TAF7L: variants seen among roughly 807,000 people sequenced by gnomAD.
The protein encoded by TAF7L is transcription initiation factor TFIID subunit 7-like.
TAF7L carries 6 observed loss-of-function variants against 30.2 expected under a neutral mutation model. That is an observed-to-expected ratio of 0.20 (90% confidence interval 0.11 to 0.39). The LOEUF is 0.39. Among genes scored for constraint, TAF7L ranks in the 10% least tolerant of loss-of-function variants. The pLI is 1.00. For synonymous variants in TAF7L, 93 were observed against 94.5 expected (o/e 0.98, Z 0.09); for missense variants, 284 against 277.1 (o/e 1.03, Z -0.18).
rs771591889 is a variant in TAF7L, at chrX:101,279,035, C to T, written c.463G>A (p.Val155Ile). ...KKRFRKTQKK[V>I]PDVKEMEKSS... ...TTTTCCATTTCTTTGACATCAGGGACCTATGAAATAAAACACAATAAACAA... is the reference window on the plus strand; with the variant it reads ...TTTTCCATTTCTTTGACATCAGGGATCTATGAAATAAAACACAATAAACAA... Residue 155 changes from valine (V) to isoleucine (I), a missense_variant and splice_region_variant, in exon 7 of 13, where the codon GTC becomes ATC. Val to Ile is a conservative substitution (Grantham distance 29). Coordinates refer to ENST00000356784, the MANE Select transcript of TAF7L (RefSeq NM_001168474.2). 2.5e-6 allele frequency: 3 copies of T among 1,199,091 alleles called. No individual in the cohort carries two copies. Among genetic ancestry groups the T allele is most frequent in the Non-Finnish European group, 3.4e-6 (3 of 885,419 alleles).
rs754187550 is a variant in TAF7L, at chrX:101,278,051, G to A, written c.575C>T (p.Thr192Ile). 9 of 1,207,095 alleles carry A rather than the reference G, an allele frequency of 7.5e-6. No individual in the cohort carries two copies. Among genetic ancestry groups the A allele is most frequent in the Non-Finnish European group, 1.0e-5 (9 of 891,450 alleles). Residue 192 changes from threonine to isoleucine, a missense_variant and splice_region_variant, in exon 8 of 13, where the codon ACC becomes ATC. Physicochemically the swap from Thr to Ile is moderately conservative, Grantham distance 89. Transcript: ENST00000356784. ...LLRSDAEAVS[T>I]RWEVIAEDGT... ...GAAAATATTTGTATAAAGGATACGGGTACTTACGGCTTCAGCATCCGAACG... is the reference window on the plus strand; with the variant it reads ...GAAAATATTTGTATAAAGGATACGGATACTTACGGCTTCAGCATCCGAACG...
At position 101,275,997 on chromosome X, in the gene TAF7L, T is replaced by TA; in HGVS notation, c.1026+2dup. The TA allele has an allele frequency of 8.5e-7, 1 of 1,169,665 alleles. No individual in the cohort carries two copies. The highest frequency in any genetic ancestry group is 1.1e-6 in the Non-Finnish European group (1 of 870,108). ...GATTTCTTTATGCCAGCCAAGAATT[T>TA]ACCTTGAGTGTCAGGTTTTCCACTT... On this transcript the variant is annotated splice_region_variant and intron_variant, in intron 11 of 12. Transcript: ENST00000356784.
intron 3 of TAF7L, among the ~76,000 whole-genome samples, chrX:101,286,212 G>A (rs1277304207): frequency 9.2e-6 from 1 of 108,435 alleles, no homozygotes; most frequent in African/African-American, 3.3e-5. Flanking sequence ...AAGAAAGAAA[G>A]AAAGAAAGAA....
intron 6 of TAF7L, 61 bp downstream of exon 6, chrX:101,281,659 C>G: frequency 9.4e-7 from 1 of 1,063,649 alleles, no homozygotes; most frequent in South Asian, 2.0e-5. Context: ...TTTCTCTTTT[C>G]TTCTGGCCCA....
Position 101,275,253 on chromosome X carries a change from A to C in TAF7L, c.1055T>G (p.Leu352Arg), listed in dbSNP as rs975253386. The C allele has an allele frequency of 9.3e-6, 11 of 1,187,312 alleles. No homozygotes were observed. Among genetic ancestry groups the C allele is most frequent in the South Asian group, 1.9e-5 (1 of 53,753 alleles). The change falls in exon 12 of 13, where the codon CTT becomes CGT. Residue 352 changes from leucine (L) to arginine (R), a missense_variant. Physicochemically the swap from Leu to Arg is moderately radical, Grantham distance 102 (BLOSUM62 -2). Transcript: ENST00000356784. Reference protein sequence around the residue: ...KNHFQSVLEQLELQEKQKNEK... With the variant: ...KNHFQSVLEQRELQEKQKNEK... Reference sequence around the variant, plus strand: ...ATTTTTTTGTTTTTCCTGTAACTCAAGCTGCTCCAGCACAGACTGAAAATG... The same window carrying C: ...ATTTTTTTGTTTTTCCTGTAACTCACGCTGCTCCAGCACAGACTGAAAATG...
rs985210193 is a variant in TAF7L, at chrX:101,274,307, T to C, written c.1086+915A>G. Among the ~76,000 whole-genome samples the C allele has an allele frequency of 5.5e-5, 6 of 109,365 alleles. No homozygotes were observed. The East Asian group carries it at 1.7e-3, about 31-fold the overall frequency. 95.0% of individuals were successfully genotyped at this position (109,365 alleles called of 115,157 possible). ...ATGGCTCACTGCAGCCTCAACCTCCTGGGCTCAAGCAATCCTCCCACCTTA... is the reference window on the plus strand; with the variant it reads ...ATGGCTCACTGCAGCCTCAACCTCCCGGGCTCAAGCAATCCTCCCACCTTA... On this transcript the variant is annotated intron_variant, in intron 12 of 12. Transcript: ENST00000356784.
chrX:101,281,737 G>A lies in TAF7L; in HGVS notation c.445C>T (p.Arg149Trp). ...PLKNVRKKRF[R>W]KTQKKVPDVK... ...TAACTAACCTTTTTTTGTGTTTTCCGGAACCTTTTCTTTCTGACATTCTTA... is the reference window on the plus strand; with the variant it reads ...TAACTAACCTTTTTTTGTGTTTTCCAGAACCTTTTCTTTCTGACATTCTTA... Residue 149 changes from arginine (R) to tryptophan (W), a missense_variant, in exon 6 of 13, where the codon CGG becomes TGG. Coordinates refer to ENST00000356784, the MANE Select transcript of TAF7L (RefSeq NM_001168474.2). The A allele has an allele frequency of 8.3e-7, 1 of 1,210,160 alleles. No individual in the cohort carries two copies. The highest frequency in any genetic ancestry group is 1.1e-6 in the Non-Finnish European group (1 of 894,857).
In TAF7L at chrX:101,287,514, A is replaced by G. The variant is rs1162351444; in HGVS notation, c.30T>C (p.Asp10=). The change falls in exon 2 of 13, where the codon GAT becomes GAC. Residue 10 remains aspartate (D), a synonymous_variant. Transcript: ENST00000356784. MSESQDEVP[D]EVENQFILRL... is the part of the protein sequence containing the mutation. Reference sequence around the variant, plus strand: ...GCAATATAAACTGGTTCTCAACTTCATCAGGAACTTCATCCTGGCTTTCAC... The same window carrying G: ...GCAATATAAACTGGTTCTCAACTTCGTCAGGAACTTCATCCTGGCTTTCAC... 1 of 1,207,898 alleles carries G rather than the reference A, an allele frequency of 8.3e-7. No homozygotes were observed. The highest frequency in any genetic ancestry group is 1.1e-6 in the Non-Finnish European group (1 of 893,892).
chrX:101,268,510 A>G lies in TAF7L; in HGVS notation c.*683T>C, dbSNP rs1923865057. ...AACAACCAGCTCCATCCTAAAAACA[A>G]CAGAACATAAGCAGCAGCAAGGAAT... On this transcript the variant is annotated 3_prime_UTR_variant, in exon 13 of 13. Transcript: ENST00000356784. 8.9e-6 allele frequency: 1 copy of G among 111,757 alleles called. No homozygotes were observed. The allele number at this position is 111,757 out of a possible 1,213,427, so 9.2% of individuals were successfully genotyped here.
intron 9 of TAF7L, among the ~76,000 whole-genome samples, 155 bp downstream of exon 9, chrX:101,277,451 C>CAAAAAAAAAAAAAAAAAAAA (rs368056727): frequency 1.7e-4 from 7 of 40,417 alleles, no homozygotes; most frequent in African/African-American, 6.0e-4. Flanking sequence ...GACTCCATCT[C>CAAAAAAAAAAAAAAAAAAAA]AAAAAAAAAA....
intron 12 of TAF7L, among the ~76,000 whole-genome samples, chrX:101,273,109 C>G (rs902957339): frequency 4.5e-5 from 5 of 111,600 alleles, no homozygotes; most frequent in Admixed American, 1.9e-4. Flanking sequence ...TGAATTACAT[C>G]TGTTATAAAA....
chrX:101,291,380 C>G (rs1602965645), upstream of TAF7L: 1 of 581,389 alleles, frequency 1.7e-6, no homozygotes, highest in East Asian at 1.7e-4. Context: ...CGCGCCGGCC[C>G]CTCCCCGCCT....
chrX:101,275,965 ATAT>A (rs1374807268), intron 11 of TAF7L, 32 bp downstream of exon 11: 2 of 987,259 alleles, frequency 2.0e-6, no homozygotes, highest in Non-Finnish European at 2.8e-6. Flanking sequence ...TGAAAGTAAG[ATAT>A]CAGGATTTCT....
rs762802249 is a variant in TAF7L at position 101,283,759 on chromosome X, G to A, written c.146-176C>T. Among the ~76,000 whole-genome samples, 7 of 112,247 alleles carry A rather than the reference G, an allele frequency of 6.2e-5. No homozygotes were observed. In the South Asian group the frequency reaches 2.2e-3, roughly 36 times the overall value. On this transcript the variant is annotated intron_variant, in intron 3 of 12. Coordinates refer to ENST00000356784, the MANE Select transcript of TAF7L (RefSeq NM_001168474.2). ...GCTTCCTAAAGAAAAGAAATGGAAA[G>A]TATATGGAGCTCTTTTTTCCTAGTT...
chrX:101,283,904 CCTTT>C (rs1467887252), intron 3 of TAF7L, among the ~76,000 whole-genome samples: 1 of 103,542 alleles, frequency 9.7e-6, no homozygotes, highest in Non-Finnish European at 1.9e-5. Flanking sequence ...AAAACCAATT[CCTTT>C]TTTTTTTTTT....
intron 6 of TAF7L, among the ~76,000 whole-genome samples, chrX:101,279,508 C>T (rs1285061038): frequency 9.0e-6 from 1 of 110,933 alleles, no homozygotes; most frequent in East Asian, 2.8e-4. Context: ...GTAATCCTGG[C>T]TACTTGGGAG....
intron 1 of TAF7L, among the ~76,000 whole-genome samples, chrX:101,288,842 T>C (rs58927142): frequency 0.011 from 1,270 of 111,451 alleles, 17 homozygotes; most frequent in African/African-American, 0.037. Flanking sequence ...ACTGAATCAA[T>C]CTAATGAGCA....
chrX:101,274,784 T>C (rs1167692398), intron 12 of TAF7L, among the ~76,000 whole-genome samples: 1 of 112,351 alleles, frequency 8.9e-6, no homozygotes, highest in East Asian at 2.8e-4. Context: ...ATAGCTCACA[T>C]TTATTTCAAC....
At chrX:101,281,852 C>A in intron 5 of TAF7L, 77 bp from the exon 6 acceptor site, 18 of 876,075 alleles carry the variant, frequency 2.1e-5, no homozygotes, top group Non-Finnish European at 2.8e-5. Flanking sequence ...AGACAAAGAT[C>A]ATGCTATAAA....
Sources: allele counts gnomAD v4.1 joint callset (sites outside exome capture counted in the v4.1 genomes callset), GRCh38; gene constraint gnomAD v4.1.1; transcripts MANE v1.5; gene names NCBI Gene and HGNC (gene_info 2026-07-23, HGNC 2026-07-21).